The following MYRIP variants were observed in gnomAD, a reference collection of about 807,000 sequenced individuals.
MYRIP encodes myosin VIIA and Rab interacting protein, also known as rab effector MyRIP.
MYRIP carries 49 observed loss-of-function variants against 98.0 expected under a neutral mutation model. The observed-to-expected ratio is 0.50, with a 90% CI of 0.40 to 0.63. MYRIP has a LOEUF of 0.63. MYRIP is among the 30% of genes least tolerant of loss of function. The pLI is 0.00. For missense variants in MYRIP, 1,004 were observed against 1,058.2 expected, an observed-to-expected ratio of 0.95 and a Z score of 0.71; for synonymous variants, 404 against 409.5, an observed-to-expected ratio of 0.99 and a Z score of 0.16.
intron 9 of MYRIP, among the ~76,000 whole-genome samples, chr3:40,188,294 C>A (rs954942587): frequency 6.6e-6 from 1 of 152,180 alleles, no homozygotes; most frequent in Non-Finnish European, 1.5e-5. Context: ...TGGTAGAAAA[C>A]CTGTGTGTTT....
intron 2 of MYRIP, among the ~76,000 whole-genome samples, chr3:40,039,726 CTT>C (rs34636704): frequency 6.2e-4 from 92 of 148,122 alleles, no homozygotes; most frequent in Middle Eastern, 3.5e-3. Flanking sequence ...ACTGTTTTCC[CTT>C]TTTTTTTTTT....
chr3:39,853,295 T>A lies in MYRIP; in HGVS notation c.-31+43379T>A, dbSNP rs926280329. On this transcript the variant is annotated intron_variant, in intron 1 of 16. Coordinates refer to ENST00000302541, the MANE Select transcript of MYRIP (RefSeq NM_015460.4). ...CCAGTAGTGGGATTGCCGGATCAAA[T>A]GGTAGTTTTGCCTTCATTTCTTTAA... 2.0e-5 allele frequency among the ~76,000 whole-genome samples: 3 copies of A among 152,248 alleles called. No individual in the cohort carries two copies. The South Asian group carries it at 6.2e-4, about 31-fold the overall frequency.
chr3:40,118,367 A>G (rs1949325891), intron 3 of MYRIP, among the ~76,000 whole-genome samples: 1 of 152,186 alleles, frequency 6.6e-6, no homozygotes, highest in South Asian at 2.1e-4. Context: ...TTGCAGATAT[A>G]TTTGCCTGTA....
chr3:39,951,969 TTA>T (rs776891815), intron 2 of MYRIP, among the ~76,000 whole-genome samples: 1 of 152,194 alleles, frequency 6.6e-6, no homozygotes, highest in Non-Finnish European at 1.5e-5. Context: ...TCTAGTAAAT[TTA>T]TAGAGTTATG....
chr3:39,893,420 G>A (rs1269512183), intron 1 of MYRIP, among the ~76,000 whole-genome samples: 1 of 151,940 alleles, frequency 6.6e-6, no homozygotes, highest in Admixed American at 6.6e-5. Context: ...TTTAGTAGCT[G>A]GTATTGTACC....
chr3:39,991,813 G>T (rs1363516019), intron 2 of MYRIP, among the ~76,000 whole-genome samples: 1 of 152,110 alleles, frequency 6.6e-6, no homozygotes, highest in Non-Finnish European at 1.5e-5. Context: ...TTTCTACTGT[G>T]CTGTATAACT....
chr3:40,223,581 A>G (rs367856639), intron 11 of MYRIP, among the ~76,000 whole-genome samples: 7 of 152,208 alleles, frequency 4.6e-5, no homozygotes, highest in Middle Eastern at 3.2e-3. Context: ...TTTCACCCCA[A>G]TGAAGGTATG....
chr3:39,877,678 C>T (rs943394653), intron 1 of MYRIP, among the ~76,000 whole-genome samples: 24 of 152,330 alleles, frequency 1.6e-4, no homozygotes, highest in Non-Finnish European at 3.2e-4. Context: ...ACCGTGAATG[C>T]TGCTGTCTGA....
chr3:39,997,454 G>T (rs532246213), intron 2 of MYRIP, among the ~76,000 whole-genome samples: 1 of 151,994 alleles, frequency 6.6e-6, no homozygotes, highest in South Asian at 2.1e-4. Flanking sequence ...TAAATTCCTC[G>T]ACACATACAC....
At chr3:40,076,974 A>G (rs1388370283) in intron 3 of MYRIP, among the ~76,000 whole-genome samples, 2 of 152,128 alleles carry the variant, frequency 1.3e-5, no homozygotes, top group Non-Finnish European at 1.5e-5. Flanking sequence ...ACCATGTACT[A>G]TTGTGTCCAG....
intron 1 of MYRIP, among the ~76,000 whole-genome samples, chr3:39,825,557 G>A (rs1220767923): frequency 6.6e-6 from 1 of 152,082 alleles, no homozygotes; most frequent in African/African-American, 2.4e-5. Context: ...TCATCATGGT[G>A]TATTATCTTT....
intron 1 of MYRIP, among the ~76,000 whole-genome samples, chr3:39,880,546 C>T (rs1276072564): frequency 6.6e-6 from 1 of 152,198 alleles, no homozygotes; most frequent in Non-Finnish European, 1.5e-5. Flanking sequence ...TAAGAGGCCT[C>T]CCTGGAACCA....
chr3:39,916,375 C>G (rs1001919299), intron 2 of MYRIP, among the ~76,000 whole-genome samples: 1 of 149,690 alleles, frequency 6.7e-6, no homozygotes, highest in East Asian at 2.0e-4. Flanking sequence ...CTCCTCTGGT[C>G]AGCTTAGTCA....
chr3:39,907,596 G>GTTT (rs1442561630), intron 2 of MYRIP, among the ~76,000 whole-genome samples: 1 of 152,210 alleles, frequency 6.6e-6, no homozygotes, highest in East Asian at 1.9e-4. Flanking sequence ...CTGATGATCA[G>GTTT]CAGGAGACTT....
intron 11 of MYRIP, among the ~76,000 whole-genome samples, chr3:40,226,330 A>G (rs1236258207): frequency 1.3e-5 from 2 of 152,180 alleles, no homozygotes; most frequent in African/African-American, 2.4e-5. Context: ...GCTGGAAAGC[A>G]CAGCAGCACC....
chr3:40,166,381 A>G (rs1336139269), intron 5 of MYRIP, among the ~76,000 whole-genome samples: 1 of 152,230 alleles, frequency 6.6e-6, no homozygotes, highest in Non-Finnish European at 1.5e-5. Context: ...GTTAGGATAC[A>G]ACAATGAATA....
chr3:40,120,694 G>A (rs1012285171), intron 3 of MYRIP, among the ~76,000 whole-genome samples: 15 of 152,154 alleles, frequency 9.9e-5, no homozygotes, highest in Admixed American at 3.9e-4. Flanking sequence ...AGATTAGCAG[G>A]GGGAAGACAC....
At chr3:40,029,155 A>T (rs747548673) in intron 2 of MYRIP, among the ~76,000 whole-genome samples, 10 of 152,136 alleles carry the variant, frequency 6.6e-5, no homozygotes, top group Non-Finnish European at 1.0e-4. Flanking sequence ...GGCTGTTGTT[A>T]TACTGTTGAG....
chr3:40,244,255 G>A (rs1953113666), intron 12 of MYRIP, among the ~76,000 whole-genome samples, 191 bp from the exon 13 acceptor site: 3 of 152,218 alleles, frequency 2.0e-5, no homozygotes, highest in Admixed American at 1.3e-4. Flanking sequence ...AGGTGTGGTT[G>A]ACAGTGAGGG....
Sources: allele counts gnomAD v4.1 joint callset (sites outside exome capture counted in the v4.1 genomes callset), GRCh38; gene constraint gnomAD v4.1.1; transcripts MANE v1.5; gene names NCBI Gene and HGNC (gene_info 2026-07-23, HGNC 2026-07-21).